SNTG2: variants seen among roughly 807,000 people sequenced by gnomAD.
The protein encoded by SNTG2 is syntrophin gamma 2.
SNTG2 carries 74 observed loss-of-function variants against 70.9 expected under a neutral mutation model. The ratio of observed to expected loss-of-function variants is 1.04; its 90% CI spans 0.86 to 1.27. SNTG2 has a LOEUF of 1.27. Among genes scored for constraint, SNTG2 ranks in the 50% most tolerant of loss-of-function variants. The probability of loss-of-function intolerance (pLI) is 0.00; values close to 1 mark genes in which losing one functional copy is unlikely to be tolerated. For missense variants in SNTG2, 717 were observed against 690.7 expected, an observed-to-expected ratio of 1.04 and a Z score of -0.43; for synonymous variants, 278 against 273.8, an observed-to-expected ratio of 1.02 and a Z score of -0.15.
intron 7 of SNTG2, among the ~76,000 whole-genome samples, chr2:1,169,441 C>T (rs1392489933): frequency 6.6e-6 from 1 of 152,162 alleles, no homozygotes; most frequent in Non-Finnish European, 1.5e-5. Context: ...ATTTAAGCAA[C>T]AGCAGCAGCA....
chr2:960,468 C>T (rs1660308242), intron 1 of SNTG2, among the ~76,000 whole-genome samples: 1 of 152,218 alleles, frequency 6.6e-6, no homozygotes, highest in Admixed American at 6.5e-5. Flanking sequence ...CCCAGGTGAG[C>T]CCTGGAACTC....
chr2:1,300,658 G>A (rs1190010152), intron 14 of SNTG2, among the ~76,000 whole-genome samples: 3 of 152,134 alleles, frequency 2.0e-5, no homozygotes, highest in African/African-American at 7.2e-5. Context: ...TTTTGTTAAT[G>A]AACAGAATCG....
intron 8 of SNTG2, among the ~76,000 whole-genome samples, chr2:1,185,102 C>T (rs1242509549): frequency 6.6e-6 from 1 of 152,198 alleles, no homozygotes; most frequent in Non-Finnish European, 1.5e-5. Context: ...CCATGCAAGT[C>T]TGAAACCCAA....
chr2:1,167,263 G>A (rs950366842), intron 7 of SNTG2, among the ~76,000 whole-genome samples: 2 of 151,570 alleles, frequency 1.3e-5, no homozygotes, highest in African/African-American at 2.4e-5. Flanking sequence ...AAACCAACAA[G>A]CCGCCCACAG....
chr2:1,006,262 GTAAC>G (rs1299584550), intron 1 of SNTG2, among the ~76,000 whole-genome samples: 2 of 151,608 alleles, frequency 1.3e-5, no homozygotes, highest in South Asian at 2.1e-4. Flanking sequence ...GTATACATAT[GTAAC>G]TAACCTGCAC....
At chr2:1,117,104 G>A (rs571402444) in intron 4 of SNTG2, among the ~76,000 whole-genome samples, 10 of 151,776 alleles carry the variant, frequency 6.6e-5, no homozygotes, top group East Asian at 3.9e-4. Flanking sequence ...CAGGTGCCCC[G>A]GTGTACGGGT....
In SNTG2 at chr2:1,026,129, G is replaced by A. The variant is rs187586363; in HGVS notation, c.73-57389G>A. Among the ~76,000 whole-genome samples the A allele has an allele frequency of 5.6e-4, 86 of 152,312 alleles. 1 individual carries two copies. Among genetic ancestry groups the A allele is most frequent in the Admixed American group, 1.2e-3 (18 of 15,308 alleles). ...TGTTAATCAGTTTCTGGAAAAGCAAGCAGCTTTGTTTGTTACTGGATAATT... is the reference window on the plus strand; with the variant it reads ...TGTTAATCAGTTTCTGGAAAAGCAAACAGCTTTGTTTGTTACTGGATAATT... On this transcript the variant is annotated intron_variant, in intron 1 of 16. Transcript: ENST00000308624.
At chr2:1,117,879 G>A (rs78017485) in intron 4 of SNTG2, among the ~76,000 whole-genome samples, 1,736 of 152,302 alleles carry the variant, frequency 0.011, 36 homozygotes, top group African/African-American at 0.04. Context: ...CTCATCTCCT[G>A]GGCTCTAGTT....
At chr2:1,279,349 ATC>A (rs2148203749) in intron 14 of SNTG2, among the ~76,000 whole-genome samples, 1 of 152,356 alleles carries the variant, frequency 6.6e-6, no homozygotes, top group Admixed American at 6.5e-5. Flanking sequence ...TCTATTACTA[ATC>A]TCTTACTGCA....
chr2:1,165,433 G>A (rs1160789628), intron 6 of SNTG2, 115 bp from the exon 7 acceptor site: 4 of 993,708 alleles, frequency 4.0e-6, no homozygotes, highest in South Asian at 1.5e-5. Context: ...TGTTTCAGAG[G>A]TAACTATGAA....
intron 9 of SNTG2, among the ~76,000 whole-genome samples, chr2:1,210,167 T>C (rs977319966): frequency 3.9e-5 from 6 of 152,212 alleles, no homozygotes; most frequent in Non-Finnish European, 8.8e-5. Flanking sequence ...TCACAAAGGA[T>C]GTTCATGTTT....
At chr2:1,091,662 C>T (rs1014379158) in intron 2 of SNTG2, among the ~76,000 whole-genome samples, 2 of 152,146 alleles carry the variant, frequency 1.3e-5, no homozygotes, top group African/African-American at 4.8e-5. Context: ...AACTCATACT[C>T]AGGGCTTTGG....
chr2:1,114,123 A>T (rs566166323), intron 4 of SNTG2, among the ~76,000 whole-genome samples: 2 of 150,802 alleles, frequency 1.3e-5, no homozygotes, highest in East Asian at 4.0e-4. Context: ...TTTGAGGAGG[A>T]TCGTGTGTAC....
At chr2:1,063,010 G>A (rs566953974) in intron 1 of SNTG2, among the ~76,000 whole-genome samples, 3 of 152,186 alleles carry the variant, frequency 2.0e-5, no homozygotes, top group Non-Finnish European at 4.4e-5. Flanking sequence ...TCTACTGTTC[G>A]TTGATATGAA....
At chr2:1,131,674 C>A (rs1668023065) in intron 4 of SNTG2, among the ~76,000 whole-genome samples, 1 of 149,484 alleles carries the variant, frequency 6.7e-6, no homozygotes, top group African/African-American at 2.5e-5. Flanking sequence ...TTTTGTGAGA[C>A]AGAGTCTCAC....
intron 8 of SNTG2, among the ~76,000 whole-genome samples, chr2:1,185,794 A>G (rs1672208980): frequency 6.6e-6 from 1 of 152,202 alleles, no homozygotes; most frequent in Non-Finnish European, 1.5e-5. Context: ...ACTGCTAAGA[A>G]GGTCCCTGAA....
chr2:1,029,033 C>A (rs901670148), intron 1 of SNTG2, among the ~76,000 whole-genome samples: 5 of 152,140 alleles, frequency 3.3e-5, no homozygotes, highest in Non-Finnish European at 5.9e-5. Context: ...TGGCTTCAGG[C>A]AGGATCGGGA....
At chr2:1,193,417 G>A (rs1024739103) in intron 8 of SNTG2, among the ~76,000 whole-genome samples, 3 of 152,144 alleles carry the variant, frequency 2.0e-5, no homozygotes, top group Non-Finnish European at 2.9e-5. Flanking sequence ...TGATACCCGA[G>A]GACCTGCCTG....
At chr2:1,286,163 A>G (rs1399739840) in intron 14 of SNTG2, among the ~76,000 whole-genome samples, 2 of 152,188 alleles carry the variant, frequency 1.3e-5, no homozygotes, top group East Asian at 1.9e-4. Flanking sequence ...TAAGACCTCT[A>G]GGACAGCAGA....
Sources: allele counts gnomAD v4.1 joint callset (sites outside exome capture counted in the v4.1 genomes callset), GRCh38; gene constraint gnomAD v4.1.1; transcripts MANE v1.5; gene names NCBI Gene and HGNC (gene_info 2026-07-23, HGNC 2026-07-21).